ROBO2: variants seen among roughly 807,000 people sequenced by gnomAD.
The protein encoded by ROBO2 is roundabout guidance receptor 2.
A neutral mutation model predicts 160.8 loss-of-function variants in ROBO2; 53 were observed. That is an observed-to-expected ratio of 0.33 (90% CI 0.26 to 0.41). ROBO2 has a LOEUF of 0.41. Among genes scored for constraint, ROBO2 ranks in the 10% least tolerant of loss-of-function variants. The probability of loss-of-function intolerance (pLI) is 1.00; values close to 1 mark genes in which losing one functional copy is unlikely to be tolerated. For missense variants in ROBO2, 1,577 were observed against 1,722.4 expected (o/e 0.92, Z 1.49); for synonymous variants, 664 against 611.7 (o/e 1.09, Z -1.26).
intron 2 of ROBO2, among the ~76,000 whole-genome samples, chr3:77,293,090 A>T (rs1439596173): frequency 8.4e-4 from 124 of 148,502 alleles, no homozygotes; most frequent in Non-Finnish European, 9.2e-4. Flanking sequence ...ATAAAGTAAA[A>T]TTGGCGGTTA....
rs34634709 is a variant in ROBO2 at position 76,874,210 on chromosome 3, T to TA, written c.110-223791dup. 7.0e-3 allele frequency among the ~76,000 whole-genome samples: 1,007 copies of TA among 143,996 alleles called. 11 individuals carry two copies. The highest frequency in any genetic ancestry group is 0.023 in the African/African-American group (892 of 39,496). The allele number at this position is 143,996 out of a possible 152,430, so 94.5% of individuals were successfully genotyped here. On this transcript the variant is annotated intron_variant, in intron 2 of 26. Transcript: ENST00000487694. ...AGTTGGTTGTTTGTTTTCAGACCAA[T>TA]AAAAAAAAAAAAAGTAGCTTTGACT...
chr3:76,758,500 T>A (rs1339467260), intron 2 of ROBO2, among the ~76,000 whole-genome samples: 1 of 151,832 alleles, frequency 6.6e-6, no homozygotes, highest in African/African-American at 2.4e-5. Flanking sequence ...TCTTTTCAAA[T>A]AAGTGCCCTT....
chr3:76,146,687 G>A (rs909409227), intron 2 of ROBO2, among the ~76,000 whole-genome samples: 1 of 138,502 alleles, frequency 7.2e-6, no homozygotes, highest in African/African-American at 2.7e-5. Context: ...AAAAGCATGG[G>A]ATTACATAGG....
intron 2 of ROBO2, among the ~76,000 whole-genome samples, chr3:77,034,729 C>G (rs548102030): frequency 3.4e-4 from 52 of 152,004 alleles, no homozygotes; most frequent in African/African-American, 1.2e-3. Context: ...TTGACAATCT[C>G]TTCTTTTTAT....
At chr3:77,250,539 G>T (rs1406383046) in intron 2 of ROBO2, among the ~76,000 whole-genome samples, 2 of 152,170 alleles carry the variant, frequency 1.3e-5, no homozygotes, top group Non-Finnish European at 2.9e-5. Flanking sequence ...TAAAATAGCA[G>T]CTGAGGCAGA....
chr3:77,175,724 A>T (rs1367530730), intron 2 of ROBO2, among the ~76,000 whole-genome samples: 1 of 152,014 alleles, frequency 6.6e-6, no homozygotes, highest in African/African-American at 2.4e-5. Flanking sequence ...GCAAGCAGGG[A>T]GAGAGGTGAC....
chr3:76,229,578 T>C (rs894432248), intron 2 of ROBO2, among the ~76,000 whole-genome samples: 1 of 152,148 alleles, frequency 6.6e-6, no homozygotes, highest in African/African-American at 2.4e-5. Context: ...AGGAATCATA[T>C]GGTTACCATG....
At chr3:77,097,780 A>G (rs2150071739) in intron 1 of ROBO2, among the ~76,000 whole-genome samples, 1 of 152,212 alleles carries the variant, frequency 6.6e-6, no homozygotes, top group Non-Finnish European at 1.5e-5. Flanking sequence ...GCTTGTCATG[A>G]TTCATGGAAC....
chr3:76,684,088 G>A (rs112411463), intron 2 of ROBO2, among the ~76,000 whole-genome samples: 4 of 151,882 alleles, frequency 2.6e-5, no homozygotes, highest in Admixed American at 6.6e-5. Flanking sequence ...TCATTAGAAA[G>A]AGAAGAGGTA....
chr3:76,247,725 A>C (rs1705704176), intron 2 of ROBO2, among the ~76,000 whole-genome samples: 1 of 152,124 alleles, frequency 6.6e-6, no homozygotes, highest in Non-Finnish European at 1.5e-5. Flanking sequence ...ATTCTTGAGA[A>C]AATTTTCGCA....
At chr3:76,021,688 A>C (rs1214642379) in intron 2 of ROBO2, among the ~76,000 whole-genome samples, 1 of 151,866 alleles carries the variant, frequency 6.6e-6, no homozygotes, top group East Asian at 1.9e-4. Context: ...GTCTAAAAAC[A>C]ATGCACATAC....
At chr3:77,184,535 T>C (rs2081102420) in intron 2 of ROBO2, among the ~76,000 whole-genome samples, 1 of 151,908 alleles carries the variant, frequency 6.6e-6, no homozygotes, top group African/African-American at 2.4e-5. Context: ...TTCTGGAAAG[T>C]TGGTGATTGA....
At chr3:76,147,848 G>A (rs1205488003) in intron 2 of ROBO2, among the ~76,000 whole-genome samples, 1 of 151,954 alleles carries the variant, frequency 6.6e-6, no homozygotes, top group Non-Finnish European at 1.5e-5. Context: ...AGCTTCTTGT[G>A]GGGTCCTTCA....
intron 2 of ROBO2, among the ~76,000 whole-genome samples, chr3:76,964,399 G>C (rs1315173897): frequency 3.3e-5 from 5 of 152,102 alleles, no homozygotes; most frequent in Non-Finnish European, 1.5e-5. Flanking sequence ...CTAGAGCGCA[G>C]TGGCGTGATC....
At chr3:76,294,745 G>A (rs1288685850) in intron 2 of ROBO2, among the ~76,000 whole-genome samples, 1 of 152,168 alleles carries the variant, frequency 6.6e-6, no homozygotes, top group African/African-American at 2.4e-5. Context: ...TATATTTCAT[G>A]AATTTTTCAC....
chr3:77,216,402 G>A (rs745524858), intron 2 of ROBO2, among the ~76,000 whole-genome samples: 15 of 152,152 alleles, frequency 9.9e-5, no homozygotes, highest in East Asian at 5.8e-4. Context: ...CTCCTGGTGC[G>A]CCGTTTACTA....
Position 77,326,047 on chromosome 3 carries a change from A to T in ROBO2, c.389-151367A>T, listed in dbSNP as rs376485827. Reference sequence around the variant, plus strand: ...TAGAAAACATTTGCTCATTTTATTGAGGGAAAATAGCAATTAGCACCTTGT... The same window carrying T: ...TAGAAAACATTTGCTCATTTTATTGTGGGAAAATAGCAATTAGCACCTTGT... On this transcript the variant is annotated intron_variant, in intron 2 of 25. Coordinates refer to ENST00000461745, the Ensembl canonical transcript of ROBO2. 1.8e-4 allele frequency among the ~76,000 whole-genome samples: 27 copies of T among 152,226 alleles called. No individual in the cohort carries two copies. The South Asian group carries it at 5.6e-3, about 32-fold the overall frequency.
chr3:77,364,061 T>A (rs552055566), intron 2 of ROBO2, among the ~76,000 whole-genome samples: 2 of 152,312 alleles, frequency 1.3e-5, no homozygotes, highest in South Asian at 4.1e-4. Flanking sequence ...ATACAAGGTA[T>A]ATGAGGCAAT....
chr3:76,586,079 G>C (rs1454544047), intron 2 of ROBO2, among the ~76,000 whole-genome samples: 2 of 152,130 alleles, frequency 1.3e-5, no homozygotes, highest in Non-Finnish European at 2.9e-5. Context: ...GGATCATAGT[G>C]CTGCTTTAAA....
Sources: gnomAD v4.1 joint callset for allele counts (sites outside exome capture counted in the v4.1 genomes callset) on GRCh38, gnomAD v4.1.1 for gene constraint, MANE v1.5 for transcripts, NCBI Gene and HGNC (gene_info 2026-07-23, HGNC 2026-07-21) for gene names.